Variants in G6PD observed in about 807,000 individuals in gnomAD.
G6PD encodes the protein glucose-6-phosphate dehydrogenase.
A neutral mutation model predicts 38.2 loss-of-function variants in G6PD; 2 were observed. That is an observed-to-expected ratio of 0.05 (90% CI 0.02 to 0.16). The LOEUF (loss-of-function observed/expected upper bound fraction) is 0.16. G6PD is among the 10% of genes least tolerant of loss of function. The pLI is 1.00. For missense variants in G6PD, 310 were observed against 471.6 expected (o/e 0.66, Z 3.17); for synonymous variants, 188 against 196.0 (o/e 0.96, Z 0.34).
intron 4 of G6PD, 111 bp from the exon 5 acceptor site, chrX:154,535,496 G>A (rs1255942754): frequency 7.0e-6 from 5 of 712,795 alleles, no homozygotes; most frequent in Non-Finnish European, 8.6e-6. Context: ...TCCAGGGAGG[G>A]TGCCCTCAGA....
intron 2 of G6PD, chrX:154,541,231 C>T (rs182957060): frequency 8.9e-6 from 1 of 112,246 alleles, no homozygotes; most frequent in Non-Finnish European, 1.9e-5. Context: ...TGGCAGGGGA[C>T]TGGTCTGCTG....
At chrX:154,532,348 A>G (rs1557229562) in intron 11 of G6PD, 38 bp downstream of exon 11, 1 of 1,206,973 alleles carries the variant, frequency 8.3e-7, no homozygotes, top group Non-Finnish European at 1.1e-6. Context: ...GCCACCCCAT[A>G]GCCCACAGGT....
Position 154,535,397 on chromosome X carries a change from G to C in G6PD, c.268-12C>G. On this transcript the variant is annotated splice_polypyrimidine_tract_variant and intron_variant, in intron 4 of 12. Coordinates refer to ENST00000393562, the MANE Select transcript of G6PD (RefSeq NM_001360016.2). ...TCCTCTGGGGTGGCCTGGGAGACACGGACAGACAGACACACAGACAGATGT... is the reference window on the plus strand; with the variant it reads ...TCCTCTGGGGTGGCCTGGGAGACACCGACAGACAGACACACAGACAGATGT... 15 of 1,189,283 alleles carry C rather than the reference G, an allele frequency of 1.3e-5. No individual in the cohort carries two copies. The highest frequency in any genetic ancestry group is 1.7e-5 in the Non-Finnish European group (15 of 877,140).
intron 2 of G6PD, among the ~76,000 whole-genome samples, chrX:154,540,478 A>G (rs1453433447): frequency 1.8e-5 from 2 of 108,731 alleles, no homozygotes; most frequent in African/African-American, 6.7e-5. Flanking sequence ...AAAAAAAAGA[A>G]AAAACAAAAA....
chrX:154,547,530 C>G (rs2070779151), upstream of G6PD: 2 of 754,864 alleles, frequency 2.6e-6, no homozygotes, highest in Non-Finnish European at 1.6e-6. Flanking sequence ...GGGATGCGGC[C>G]CTACCGCGGC....
Position 154,538,870 on chromosome X carries a change from G to A in G6PD, c.121-2692C>T, listed in dbSNP as rs1227567364. 2.9e-5 allele frequency among the ~76,000 whole-genome samples: 3 copies of A among 103,535 alleles called. No individual in the cohort carries two copies. In the Admixed American group the frequency reaches 3.1e-4, roughly 11 times the overall value. 89.9% of individuals were successfully genotyped at this position (103,535 alleles called of 115,157 possible). On this transcript the variant is annotated intron_variant, in intron 2 of 12. Transcript: ENST00000393562. Reference sequence around the variant, plus strand: ...TGAACCAGGAGGGAGAGACTGGAGTGAGCCGAGATCACACCACTGTAGCCT... The same window carrying A: ...TGAACCAGGAGGGAGAGACTGGAGTAAGCCGAGATCACACCACTGTAGCCT...
At chrX:154,536,305 G>T in intron 2 of G6PD, 127 bp from the exon 3 acceptor site, 1 of 626,085 alleles carries the variant, frequency 1.6e-6, no homozygotes, top group African/African-American at 2.2e-5. Context: ...TGTCTGTCTT[G>T]CCTGATATAC....
chrX:154,535,277 T>C lies in G6PD; in HGVS notation c.376A>G (p.Asn126Asp), dbSNP rs1050829. The C allele has an allele frequency of 0.017, 20,668 of 1,210,053 alleles. 2,270 individuals carry two copies. The African/African-American group carries it at 0.32, about 19-fold the overall frequency. ...ASYQRLNSHM[N>D]ALHLGSQANR... ...GCCTGTGACCCCAGGTGGAGGGCAT[T>C]CATGTGGCTGTTGAGGCGCTGGTAG... Residue 126 changes from asparagine to aspartate, a missense_variant, in exon 5 of 13, where the codon AAT becomes GAT. This residue lies in a region of G6PD where 96 missense variants were observed against 93.3 expected (regional missense o/e 1.03). Coordinates refer to ENST00000393562, the MANE Select transcript of G6PD (RefSeq NM_001360016.2).
intron 8 of G6PD, 154 bp from the exon 9 acceptor site, chrX:154,533,282 G>C: frequency 1.6e-6 from 1 of 634,215 alleles, no homozygotes; most frequent in Non-Finnish European, 2.5e-6. Flanking sequence ...GCCCCTCCCT[G>C]AGGACCCTCC....
At chrX:154,543,124 C>A (rs1423989097) in intron 2 of G6PD, among the ~76,000 whole-genome samples, 2 of 111,904 alleles carry the variant, frequency 1.8e-5, no homozygotes, top group African/African-American at 6.5e-5. Context: ...CACGCCACCT[C>A]CCATCTCCCC....
At chrX:154,546,420 A>T (rs2148351313) in intron 1 of G6PD, among the ~76,000 whole-genome samples, 1 of 112,322 alleles carries the variant, frequency 8.9e-6, no homozygotes, top group African/African-American at 3.2e-5. Flanking sequence ...GTGTATTCCG[A>T]CTACAGCATC....
chrX:154,532,507 T>A (rs368350190), intron 10 of G6PD, 45 bp from the exon 11 acceptor site: 223 of 1,204,016 alleles, frequency 1.9e-4, no homozygotes, highest in Non-Finnish European at 2.3e-4. Flanking sequence ...CCTGCCACCA[T>A]GTGGAGTCCC....
In G6PD at chrX:154,546,736, C is replaced by G. The variant is rs2070731335; in HGVS notation, c.-9+53G>C. The G allele has an allele frequency of 2.2e-5, 22 of 988,793 alleles. No individual in the cohort carries two copies. In the South Asian group the frequency reaches 4.6e-4, roughly 21 times the overall value. The allele number at this position is 988,793 out of a possible 1,213,427, so 81.5% of individuals were successfully genotyped here. A position where few individuals can be genotyped will look rare whatever the true frequency, so the allele number is the denominator to read the frequency against. ...GCGTGTATTTTACCGCCGCGCGGCG[C>G]AGCGCGGGACAGTACGCTCCTCCGC... On this transcript the variant is annotated intron_variant, in intron 1 of 12. Transcript: ENST00000393562.
In G6PD at chrX:154,532,475, G is replaced by C. The variant is rs782025913; in HGVS notation, c.1288-13C>G. The C allele has an allele frequency of 1.5e-5, 18 of 1,209,387 alleles. No individual in the cohort carries two copies. The South Asian group carries it at 2.1e-4, about 14-fold the overall frequency. On this transcript the variant is annotated splice_polypyrimidine_tract_variant and intron_variant, in intron 10 of 12. Coordinates refer to ENST00000393562, the MANE Select transcript of G6PD (RefSeq NM_001360016.2). ...GGAGCTTCACGTTCTGTGAGGGAGAGAGTGTCTTGCTGATGCCACTGCCTG... is the reference window on the plus strand; with the variant it reads ...GGAGCTTCACGTTCTGTGAGGGAGACAGTGTCTTGCTGATGCCACTGCCTG...
At chrX:154,542,911 TGAG>T (rs2148341978) in intron 2 of G6PD, among the ~76,000 whole-genome samples, 1 of 112,172 alleles carries the variant, frequency 8.9e-6, no homozygotes, top group South Asian at 3.7e-4. Context: ...ATAGGTCCCA[TGAG>T]GAGGGCAGGG....
Position 154,539,849 on chromosome X carries a change from A to G in G6PD, c.121-3671T>C, listed in dbSNP as rs782071303. On this transcript the variant is annotated intron_variant, in intron 2 of 12. Transcript: ENST00000393562. ...GCCATTCTCCTGCCTCAGCCTCCTGAGTAGCTGGGACTCCAGGCACCTGCC... is the reference window on the plus strand; with the variant it reads ...GCCATTCTCCTGCCTCAGCCTCCTGGGTAGCTGGGACTCCAGGCACCTGCC... 3.7e-3 allele frequency among the ~76,000 whole-genome samples: 400 copies of G among 109,483 alleles called. 1 individual carries two copies. The highest frequency in any genetic ancestry group is 0.018 in the Middle Eastern group (4 of 217).
chrX:154,539,749 G>A (rs2070457073), intron 2 of G6PD, among the ~76,000 whole-genome samples: 1 of 110,284 alleles, frequency 9.1e-6, no homozygotes, highest in South Asian at 3.9e-4. Flanking sequence ...TTGAGACGGA[G>A]TCTCACTCTG....
chrX:154,535,407 AC>A (rs782365122), intron 4 of G6PD, 22 bp from the exon 5 acceptor site: 42 of 1,161,369 alleles, frequency 3.6e-5, no homozygotes, highest in Non-Finnish European at 4.7e-5. Flanking sequence ...GGACAGACAG[AC>A]ACACAGACAG....
At chrX:154,546,210 T>C in intron 1 of G6PD, 47 bp from the exon 2 acceptor site, 2 of 1,204,137 alleles carry the variant, frequency 1.7e-6, no homozygotes, top group Non-Finnish European at 2.2e-6. Flanking sequence ...CAGGAGAGCA[T>C]TGAGAAGTTA....
Sources: gnomAD v4.1 joint callset for allele counts (sites outside exome capture counted in the v4.1 genomes callset) on GRCh38, gnomAD v4.1.1 for gene constraint, gnomAD v4.1.1 regional missense constraint, MANE v1.5 for transcripts, NCBI Gene and HGNC (gene_info 2026-07-23, HGNC 2026-07-21) for gene names.